The following ERGIC2 variants were observed in gnomAD, a reference collection of about 807,000 sequenced individuals.
The protein encoded by ERGIC2 is endoplasmic reticulum-Golgi intermediate compartment protein 2.
ERGIC2 carries 31 observed loss-of-function variants against 52.5 expected under a neutral mutation model. That is an observed-to-expected ratio of 0.59 (90% CI 0.44 to 0.80). The LOEUF is 0.80. Ranked by LOEUF, ERGIC2 falls within the 30% of genes least tolerant of loss-of-function variation. The pLI is 0.00. For missense variants in ERGIC2, 395 were observed against 455.2 expected (o/e 0.87, Z 1.20); for synonymous variants, 129 against 140.6 (o/e 0.92, Z 0.58).
intron 5 of ERGIC2, among the ~76,000 whole-genome samples, chr12:29,362,948 TATG>T (rs1940306907): frequency 1.3e-5 from 2 of 152,356 alleles, no homozygotes; most frequent in African/African-American, 2.4e-5. Context: ...GTGGCGACTA[TATG>T]ATTTTTCCTT....
chr12:29,378,358 CTG>C (rs1940542465), intron 1 of ERGIC2, among the ~76,000 whole-genome samples: 1 of 152,102 alleles, frequency 6.6e-6, no homozygotes, highest in Non-Finnish European at 1.5e-5. Flanking sequence ...GCCTCCAGAA[CTG>C]TGAGAGAATA....
At chr12:29,358,665 G>A (rs78140092) in intron 6 of ERGIC2, among the ~76,000 whole-genome samples, 18,925 of 151,982 alleles carry the variant, frequency 0.12, 1,335 homozygotes, top group African/African-American at 0.19. Flanking sequence ...ATTTTGCTGT[G>A]AGCCTAACTA....
At chr12:29,356,506 C>A in intron 7 of ERGIC2, 29 bp from the exon 8 acceptor site, 1 of 1,248,040 alleles carries the variant, frequency 8.0e-7, no homozygotes, top group Non-Finnish European at 1.2e-6. Flanking sequence ...TTATTTAAAG[C>A]ACATTCAATA....
At chr12:29,369,456 C>T (rs1249957143) in intron 3 of ERGIC2, among the ~76,000 whole-genome samples, 2 of 151,876 alleles carry the variant, frequency 1.3e-5, no homozygotes, top group Non-Finnish European at 2.9e-5. Context: ...ACTATAATTG[C>T]TGTCTGTACT....
chr12:29,380,400 A>T (rs554994644), intron 1 of ERGIC2, among the ~76,000 whole-genome samples: 4 of 151,530 alleles, frequency 2.6e-5, no homozygotes, highest in African/African-American at 9.7e-5. Flanking sequence ...CTATTATGCC[A>T]CTTTGTCTTT....
At chr12:29,371,024 T>C (rs1156242) in intron 2 of ERGIC2, among the ~76,000 whole-genome samples, 58,234 of 151,904 alleles carry the variant, frequency 0.38, 12,728 homozygotes, top group African/African-American at 0.61. Context: ...TTTACTACCT[T>C]TTCATAGGGA....
At position 29,341,088 on chromosome 12, in the gene ERGIC2, A is replaced by C; in HGVS notation, c.*68T>G. 9.8e-7 allele frequency: 1 copy of C among 1,019,484 alleles called. No homozygotes were observed. The highest frequency in any genetic ancestry group is 2.2e-5 in the Admixed American group (1 of 45,122). 63.2% of individuals were successfully genotyped at this position (1,019,484 alleles called of 1,614,324 possible). On this transcript the variant is annotated 3_prime_UTR_variant, in exon 14 of 14. Coordinates refer to ENST00000360150, the MANE Select transcript of ERGIC2 (RefSeq NM_016570.3). Reference sequence around the variant, plus strand: ...TTTCTTTTCTTTGAATATATTGCACAATATTTTATTATTAAAAAAAGGTTT... The same window carrying C: ...TTTCTTTTCTTTGAATATATTGCACCATATTTTATTATTAAAAAAAGGTTT...
chr12:29,357,766 A>G, intron 6 of ERGIC2, 42 bp from the exon 7 acceptor site: 1 of 1,085,220 alleles, frequency 9.2e-7, no homozygotes, highest in Non-Finnish European at 1.4e-6. Context: ...AAAGGTACAC[A>G]AAGAGAGCTG....
At chr12:29,365,269 G>T (rs1286233692) in intron 5 of ERGIC2, among the ~76,000 whole-genome samples, 2 of 152,196 alleles carry the variant, frequency 1.3e-5, no homozygotes, top group East Asian at 3.9e-4. Flanking sequence ...GGAATACTAT[G>T]CAGCCATAAA....
chr12:29,362,288 C>T (rs1472889108), intron 5 of ERGIC2, among the ~76,000 whole-genome samples: 1 of 152,064 alleles, frequency 6.6e-6, no homozygotes, highest in African/African-American at 2.4e-5. Context: ...CAATAATCCA[C>T]TTTTCGGCCG....
At chr12:29,368,484 T>G (rs1382490871) in intron 3 of ERGIC2, among the ~76,000 whole-genome samples, 197 bp from the exon 4 acceptor site, 1 of 151,894 alleles carries the variant, frequency 6.6e-6, no homozygotes, top group Non-Finnish European at 1.5e-5. Flanking sequence ...TCCAAAAGCC[T>G]TTCTGACTTC....
At chr12:29,375,115 G>T (rs1048501022) in intron 1 of ERGIC2, among the ~76,000 whole-genome samples, 2 of 151,802 alleles carry the variant, frequency 1.3e-5, no homozygotes, top group Admixed American at 1.3e-4. Context: ...TCCCCCTACC[G>T]CATCTCTACA....
intron 1 of ERGIC2, chr12:29,372,571 T>G (rs1162583236): frequency 6.6e-6 from 1 of 152,218 alleles, no homozygotes; most frequent in Non-Finnish European, 1.5e-5. Context: ...ACAGTGTTAT[T>G]TTTAAATACT....
In ERGIC2 at chr12:29,379,757, T is replaced by C. The variant is rs544102104; in HGVS notation, c.-38+1358A>G. ...GAGAGGTTAAATAATTTGACCACTA[T>C]GACATTAAGAGGCAGAATTACAATA... On this transcript the variant is annotated intron_variant, in intron 1 of 13. Transcript: ENST00000360150. Among the ~76,000 whole-genome samples the C allele has an allele frequency of 2.6e-5, 4 of 152,280 alleles. No homozygotes were observed. In the South Asian group the frequency reaches 8.3e-4, roughly 32 times the overall value.
intron 6 of ERGIC2, 143 bp from the exon 7 acceptor site, chr12:29,357,867 G>C: frequency 1.5e-6 from 1 of 647,984 alleles, no homozygotes; most frequent in South Asian, 1.7e-5. Context: ...AACATACCAA[G>C]TTTTCTTTGG....
Position 29,340,913 on chromosome 12 carries a change from GCAA to G in ERGIC2, c.*240_*242del. 1 of 530,768 alleles carries G rather than the reference GCAA, an allele frequency of 1.9e-6. No individual in the cohort carries two copies. Among genetic ancestry groups the G allele is most frequent in the East Asian group, 4.0e-5 (1 of 24,734 alleles). The allele number at this position is 530,768 out of a possible 1,614,324, so 32.9% of individuals were successfully genotyped here. A position where few individuals can be genotyped will look rare whatever the true frequency, so the allele number is the denominator to read the frequency against. On this transcript the variant is annotated 3_prime_UTR_variant, in exon 14 of 14. Coordinates refer to ENST00000360150, the MANE Select transcript of ERGIC2 (RefSeq NM_016570.3). ...AATATAAGAAGGCGTCATCTTCAAA[GCAA>G]CACTCCAGTTGGGCTTCTTCATCGT...
Position 29,371,688 on chromosome 12 carries a change from TAATG to T in ERGIC2, c.-37-22_-37-19del. ...TAGTCATGCTAAGGAATAAATAAAT[TAATG>T]AATAAATGAATCCTTTAAAGAGATA... On this transcript the variant is annotated intron_variant, in intron 1 of 13. Transcript: ENST00000360150. 1.7e-6 allele frequency: 2 copies of T among 1,143,430 alleles called. No homozygotes were observed. The highest frequency in any genetic ancestry group is 2.6e-5 in the South Asian group (2 of 76,516). 70.8% of individuals were successfully genotyped at this position (1,143,430 alleles called of 1,614,324 possible). A position where few individuals can be genotyped will look rare whatever the true frequency, so the allele number is the denominator to read the frequency against.
chr12:29,377,781 T>C (rs1483979381), intron 1 of ERGIC2, among the ~76,000 whole-genome samples: 1 of 152,188 alleles, frequency 6.6e-6, no homozygotes, highest in Non-Finnish European at 1.5e-5. Flanking sequence ...CATCTGAATA[T>C]AATGAGACTA....
Position 29,343,164 on chromosome 12 carries a change from A to G in ERGIC2, c.944T>C (p.Phe315Ser), listed in dbSNP as rs1415589986. 6.2e-7 allele frequency: 1 copy of G among 1,611,556 alleles called. No homozygotes were observed. The highest frequency in any genetic ancestry group is 8.5e-7 in the Non-Finnish European group (1 of 1,178,494). Residue 315 changes from phenylalanine (F) to serine (S), a missense_variant, in exon 12 of 14, where the codon TTT becomes TCT. Phe to Ser is a radical substitution (Grantham distance 155). Transcript: ENST00000360150. ...TEEHMPFWQFFVRLCGIVGGI... is the reference protein window; with the variant it reads ...TEEHMPFWQFSVRLCGIVGGI... ...TCCAACAATACCACAGAGTCTTACA[A>G]AAAACTGCCAGAATGGCATGTGCTC...
Sources: gnomAD v4.1 joint callset for allele counts (sites outside exome capture counted in the v4.1 genomes callset) on GRCh38, gnomAD v4.1.1 for gene constraint, MANE v1.5 for transcripts, NCBI Gene and HGNC (gene_info 2026-07-23, HGNC 2026-07-21) for gene names.